The following SH3BP5 variants were observed in gnomAD, a reference collection of about 807,000 sequenced individuals.
SH3BP5 encodes SH3 domain-binding protein 5.
SH3BP5 carries 22 observed loss-of-function variants against 43.3 expected under a neutral mutation model. That is an observed-to-expected ratio of 0.51 (90% CI 0.36 to 0.73). The LOEUF (loss-of-function observed/expected upper bound fraction) is 0.73. Among genes scored for constraint, SH3BP5 ranks in the 30% least tolerant of loss-of-function variants. SH3BP5 has a pLI of 0.00. For missense variants in SH3BP5, 529 were observed against 586.9 expected, an observed-to-expected ratio of 0.90 and a Z score of 1.02; for synonymous variants, 255 against 225.8, an observed-to-expected ratio of 1.13 and a Z score of -1.16.
intron 2 of SH3BP5, among the ~76,000 whole-genome samples, chr3:15,307,266 C>G (rs1697937071): frequency 6.6e-6 from 1 of 152,156 alleles, no homozygotes; most frequent in African/African-American, 2.4e-5. Flanking sequence ...TTAGGGTCAT[C>G]CGCTGCAGCT....
rs1255865811 is a variant in SH3BP5 at position 15,276,770 on chromosome 3, T to A, written c.331-6893A>T. On this transcript the variant is annotated intron_variant, in intron 3 of 8. Transcript: ENST00000383791. ...CTACTCACAAACCTACAGGTCTGGA[T>A]ACAGATGATTACAAAGGAGAAAATA... 2.6e-5 allele frequency among the ~76,000 whole-genome samples: 4 copies of A among 152,322 alleles called. No individual in the cohort carries two copies. In the East Asian group the frequency reaches 7.7e-4, roughly 29 times the overall value.
intron 3 of SH3BP5, among the ~76,000 whole-genome samples, chr3:15,296,877 A>G (rs1048818363): frequency 6.0e-5 from 9 of 150,538 alleles, no homozygotes; most frequent in South Asian, 4.2e-4. Context: ...AAAAAAAAAA[A>G]AAAGAAATGG....
intron 2 of SH3BP5, among the ~76,000 whole-genome samples, chr3:15,305,990 C>T (rs1461353774): frequency 1.3e-5 from 2 of 151,006 alleles, no homozygotes; most frequent in Non-Finnish European, 2.9e-5. Context: ...TCCCCTCTAC[C>T]TCTCCCTCAG....
At chr3:15,258,718 A>G (rs1470795799) in intron 7 of SH3BP5, 113 bp downstream of exon 7, 2 of 855,508 alleles carry the variant, frequency 2.3e-6, no homozygotes, top group Non-Finnish European at 3.7e-6. Context: ...AATAGCCCTC[A>G]GGCCTGCCCA....
intron 2 of SH3BP5, among the ~76,000 whole-genome samples, chr3:15,329,422 A>G (rs1354781017): frequency 6.6e-6 from 1 of 152,248 alleles, no homozygotes; most frequent in Non-Finnish European, 1.5e-5. Flanking sequence ...ATTTTACTTT[A>G]CTTGGGGAGA....
intron 1 of SH3BP5, among the ~76,000 whole-genome samples, chr3:15,338,002 C>T (rs80155883): frequency 0.02 from 2,946 of 149,358 alleles, 106 homozygotes; most frequent in African/African-American, 0.067. Flanking sequence ...TGTCAAATTT[C>T]AATGCCATTT....
intron 2 of SH3BP5, among the ~76,000 whole-genome samples, chr3:15,324,387 T>A (rs1163997426): frequency 1.3e-5 from 2 of 152,232 alleles, no homozygotes; most frequent in Non-Finnish European, 2.9e-5. Flanking sequence ...GGGACGTGCC[T>A]GATTATTTGT....
At chr3:15,327,269 G>A (rs1028576242) in intron 2 of SH3BP5, among the ~76,000 whole-genome samples, 6 of 151,954 alleles carry the variant, frequency 3.9e-5, no homozygotes, top group South Asian at 2.1e-4. Context: ...GCATGGTGGC[G>A]CACGCCTGTA....
At chr3:15,259,084 AC>A (rs1559423719) in intron 6 of SH3BP5, 34 bp from the exon 7 acceptor site, 1 of 1,530,712 alleles carries the variant, frequency 6.5e-7, no homozygotes, top group East Asian at 2.2e-5. Flanking sequence ...AGTGAAGACT[AC>A]CCTGCTAGCC....
chr3:15,330,836 C>A, intron 1 of SH3BP5: 1 of 708,514 alleles, frequency 1.4e-6, no homozygotes, highest in African/African-American at 1.9e-5. Context: ...CAGGTACATG[C>A]CTTCAGGTAA....
chr3:15,271,271 G>C (rs1294936032), intron 3 of SH3BP5, among the ~76,000 whole-genome samples: 2 of 151,994 alleles, frequency 1.3e-5, no homozygotes, highest in African/African-American at 4.8e-5. Flanking sequence ...CCCACTCCTT[G>C]GGAGCTTGAG....
intron 4 of SH3BP5, among the ~76,000 whole-genome samples, chr3:15,263,948 A>G (rs926413846): frequency 6.6e-6 from 1 of 152,218 alleles, no homozygotes; most frequent in Non-Finnish European, 1.5e-5. Context: ...GCTCATGGTC[A>G]CTAGTCAGCT....
upstream of SH3BP5, among the ~76,000 whole-genome samples, chr3:15,337,280 T>G (rs934103397): frequency 2.0e-5 from 3 of 151,906 alleles, no homozygotes; most frequent in African/African-American, 4.8e-5. Context: ...AGATGAAGTT[T>G]CACCATGTTG....
chr3:15,308,343 T>A (rs1377735138), intron 2 of SH3BP5, among the ~76,000 whole-genome samples: 1 of 152,224 alleles, frequency 6.6e-6, no homozygotes, highest in Non-Finnish European at 1.5e-5. Flanking sequence ...TAGGTGCTAT[T>A]GTTGTTATTC....
At chr3:15,338,562 G>T (rs1405485262) in intron 1 of SH3BP5, among the ~76,000 whole-genome samples, 1 of 152,128 alleles carries the variant, frequency 6.6e-6, no homozygotes. Flanking sequence ...GTGGGATCAG[G>T]CCTGGGGTAT....
chr3:15,284,422 T>C (rs1697209519), intron 3 of SH3BP5, among the ~76,000 whole-genome samples: 1 of 152,234 alleles, frequency 6.6e-6, no homozygotes, highest in Non-Finnish European at 1.5e-5. Flanking sequence ...GAAGCGCCAA[T>C]GTCAAACTTT....
chr3:15,269,455 G>T (rs1205907471), intron 4 of SH3BP5, among the ~76,000 whole-genome samples: 1 of 152,134 alleles, frequency 6.6e-6, no homozygotes, highest in Non-Finnish European at 1.5e-5. Context: ...ACCCCCTGGG[G>T]ATGACCCAAA....
intron 2 of SH3BP5, among the ~76,000 whole-genome samples, chr3:15,324,528 G>A (rs975910231): frequency 1.1e-4 from 16 of 152,168 alleles, no homozygotes; most frequent in South Asian, 2.1e-4. Flanking sequence ...AGCTTAGACC[G>A]GGCAGCCTGC....
chr3:15,264,038 A>C (rs1220935686), intron 4 of SH3BP5, among the ~76,000 whole-genome samples: 2 of 152,190 alleles, frequency 1.3e-5, no homozygotes, highest in Admixed American at 1.3e-4. Context: ...CCACAGAGGA[A>C]GGTTGCCAAT....
Sources: allele counts gnomAD v4.1 joint callset (sites outside exome capture counted in the v4.1 genomes callset), GRCh38; gene constraint gnomAD v4.1.1; transcripts MANE v1.5; gene names NCBI Gene and HGNC (gene_info 2026-07-23, HGNC 2026-07-21).